The following COL4A4 variants were observed in gnomAD, a reference collection of about 807,000 sequenced individuals.
COL4A4 encodes the protein collagen alpha-4(IV) chain.
In COL4A4, 105 loss-of-function variants were observed where a neutral mutation model predicts 192.9. That is an observed-to-expected ratio of 0.54 (90% CI 0.46 to 0.64). The LOEUF (loss-of-function observed/expected upper bound fraction) is 0.64, where lower values mean the gene tolerates loss of function less well. Ranked by LOEUF, COL4A4 falls within the 30% of genes least tolerant of loss-of-function variation. The probability of loss-of-function intolerance (pLI) is 0.00; values close to 1 mark genes in which losing one functional copy is unlikely to be tolerated. For synonymous variants in COL4A4, 762 were observed against 769.9 expected (o/e 0.99, Z 0.17); for missense variants, 1,967 against 2,169.3 (o/e 0.91, Z 1.85).
In COL4A4 at chr2:227,030,477, G is replaced by A; in HGVS notation, c.3939C>T (p.Gly1313=). The A allele has an allele frequency of 6.2e-7, 1 of 1,614,178 alleles. No individual in the cohort carries two copies. The part of the protein sequence containing the change: ...PGPPGPPGYK[G]FPGCDGKDGQ... ...CATCTTTTCCATCACATCCTGGAAAGCCTTTGTATCCTGGAGGGCCTGGTG... is the reference window on the plus strand; with the variant it reads ...CATCTTTTCCATCACATCCTGGAAAACCTTTGTATCCTGGAGGGCCTGGTG... The change falls in exon 41 of 48, where the codon GGC becomes GGT. Residue 1313 remains glycine, a synonymous_variant. Coordinates refer to ENST00000396625, the MANE Select transcript of COL4A4 (RefSeq NM_000092.5).
chr2:227,121,561 C>CA (rs766680844), intron 4 of COL4A4, among the ~76,000 whole-genome samples: 12,227 of 58,202 alleles, frequency 0.21, 1,384 homozygotes, highest in African/African-American at 0.42. Context: ...GACCCTATCT[C>CA]AAAAAAAAAA....
chr2:226,995,674 G>C, the COL4A4 span: 1 of 633,656 alleles, frequency 1.6e-6, no homozygotes, highest in Non-Finnish European at 2.8e-6. Flanking sequence ...ACAGTCCCAT[G>C]GCCCCTATGA....
the COL4A4 span, among the ~76,000 whole-genome samples, chr2:226,974,986 C>T: frequency 3.3e-5 from 5 of 152,160 alleles, no homozygotes; most frequent in African/African-American, 9.7e-5. Context: ...GATGGCCACA[C>T]GTGAATCAGC....
Position 227,059,136 on chromosome 2 carries a change from G to A in COL4A4, c.2383+269C>T, listed in dbSNP as rs7561057. Among the ~76,000 whole-genome samples, 2,311 of 152,250 alleles carry A rather than the reference G, an allele frequency of 0.015. 51 individuals carry two copies. The highest frequency in any genetic ancestry group is 0.053 in the African/African-American group (2,194 of 41,548). On this transcript the variant is annotated intron_variant, in intron 28 of 47. Transcript: ENST00000396625. ...TACACAGTCCCTGCTCTTGGCCTTT[G>A]CAGCACCAACATACTAGCTGCGGAA...
chr2:227,069,508 T>A (rs2058574395), intron 25 of COL4A4, among the ~76,000 whole-genome samples: 2 of 151,610 alleles, frequency 1.3e-5, no homozygotes, highest in East Asian at 3.9e-4. Flanking sequence ...ATGGTACTGG[T>A]ACCAAAACAG....
Position 227,033,471 on chromosome 2 carries a change from T to C in COL4A4, c.3516A>G (p.Gly1172=). 1.9e-6 allele frequency: 3 copies of C among 1,613,234 alleles called. No individual in the cohort carries two copies. The highest frequency in any genetic ancestry group is 1.1e-5 in the South Asian group (1 of 91,056). The change falls in exon 38 of 48, where the codon GGA becomes GGG. Residue 1172 remains glycine, a synonymous_variant. Coordinates refer to ENST00000396625, the MANE Select transcript of COL4A4 (RefSeq NM_000092.5). ...PGPPGIKGPS[G]SPGLNGLHGL... Reference sequence around the variant, plus strand: ...CATGCAAGCCGTTCAGGCCAGGTGATCCGGAGGGACCTGAAAAACACCACA... The same window carrying C: ...CATGCAAGCCGTTCAGGCCAGGTGACCCGGAGGGACCTGAAAAACACCACA...
At chr2:227,022,728 T>C (rs1387576715) in intron 43 of COL4A4, among the ~76,000 whole-genome samples, 1 of 152,192 alleles carries the variant, frequency 6.6e-6, no homozygotes, top group Non-Finnish European at 1.5e-5. Flanking sequence ...AGGGGAGTCA[T>C]GGAAATATAC....
At chr2:227,033,344 G>A in intron 38 of COL4A4, 66 bp downstream of exon 38, 1 of 1,324,678 alleles carries the variant, frequency 7.5e-7, no homozygotes. Flanking sequence ...TACCAGGGAG[G>A]GTACCACTTT....
chr2:227,163,168 TCTTTA>T (rs1402789229), intron 1 of COL4A4, among the ~76,000 whole-genome samples: 8 of 152,256 alleles, frequency 5.3e-5, no homozygotes, highest in African/African-American at 1.9e-4. Context: ...ATAAGTTGCA[TCTTTA>T]CTTTTAGTAA....
chr2:227,119,805 T>C (rs1237957861), intron 6 of COL4A4, 90 bp downstream of exon 6: 1 of 628,106 alleles, frequency 1.6e-6, no homozygotes, highest in Non-Finnish European at 2.5e-6. Flanking sequence ...TATAAATATA[T>C]ATTTTATGTA....
chr2:227,115,568 G>A (rs1321244132), intron 7 of COL4A4, among the ~76,000 whole-genome samples: 2 of 151,714 alleles, frequency 1.3e-5, no homozygotes, highest in African/African-American at 2.4e-5. Context: ...CACTGTGCCC[G>A]GCCCCTACTT....
chr2:227,041,803 AGG>A lies in COL4A4; in HGVS notation c.3505+343_3505+344del, dbSNP rs1971109990. The stretch of plus-strand genomic sequence containing the variant: ...GGAAGGAAGGGAAAGAAAGAAAGAA[AGG>A]AAGAAAGAAAGAAAGAAAGAAAGAA... On this transcript the variant is annotated intron_variant, in intron 37 of 47. Transcript: ENST00000396625. Among the ~76,000 whole-genome samples, 2 of 52,258 alleles carry A rather than the reference AGG, an allele frequency of 3.8e-5. 1 individual carries two copies. The highest frequency in any genetic ancestry group is 7.0e-5 in the Non-Finnish European group (2 of 28,544). 34.3% of individuals were successfully genotyped at this position (52,258 alleles called of 152,430 possible).
chr2:226,983,473 G>A, the COL4A4 span, among the ~76,000 whole-genome samples: 7 of 152,126 alleles, frequency 4.6e-5, no homozygotes, highest in Admixed American at 3.3e-4. Context: ...TCTTTTCCCA[G>A]GCCCAACAGC....
At chr2:227,060,101 G>GAAAAAAAACAAAAAAAAA in intron 27 of COL4A4, 35 bp downstream of exon 27, 2 of 503,760 alleles carry the variant, frequency 4.0e-6, no homozygotes, top group Non-Finnish European at 6.3e-6. Flanking sequence ...TCCCAAAGCA[G>GAAAAAAAACAAAAAAAAA]AAAAAAAAAA....
downstream of COL4A4, among the ~76,000 whole-genome samples, chr2:227,002,093 C>G (rs1350227247): frequency 6.7e-6 from 1 of 150,246 alleles, no homozygotes; most frequent in Non-Finnish European, 1.5e-5. Context: ...TCATTCGAGC[C>G]TGCGAGTTCA....
At chr2:227,106,867 A>C (rs1001503234) in intron 12 of COL4A4, among the ~76,000 whole-genome samples, 2 of 152,222 alleles carry the variant, frequency 1.3e-5, no homozygotes, top group Non-Finnish European at 2.9e-5. Context: ...GGCCTGGCCC[A>C]AAATTGTAAA....
chr2:227,016,888 C>T (rs1465805189), intron 44 of COL4A4, among the ~76,000 whole-genome samples: 3 of 152,276 alleles, frequency 2.0e-5, no homozygotes, highest in Non-Finnish European at 4.4e-5. Context: ...GAAACATCCC[C>T]GCCTCCCCAT....
At chr2:227,158,239 G>C (rs969813042) in intron 1 of COL4A4, among the ~76,000 whole-genome samples, 2 of 151,964 alleles carry the variant, frequency 1.3e-5, no homozygotes, top group African/African-American at 4.8e-5. Flanking sequence ...AATTTAGTGG[G>C]GGAAAAAGTC....
downstream of COL4A4, chr2:226,998,345 G>A (rs941371936): frequency 2.6e-5 from 4 of 152,164 alleles, no homozygotes; most frequent in African/African-American, 4.8e-5. Flanking sequence ...GCTGCCTGGG[G>A]AGTAAGCAAG....
Sources: gnomAD v4.1 joint callset for allele counts (sites outside exome capture counted in the v4.1 genomes callset) on GRCh38, gnomAD v4.1.1 for gene constraint, MANE v1.5 for transcripts, NCBI Gene and HGNC (gene_info 2026-07-23, HGNC 2026-07-21) for gene names.